The following ABCC12 variants were observed in gnomAD, a reference collection of about 807,000 sequenced individuals.
ABCC12 encodes the protein ATP-binding cassette sub-family C member 12.
ABCC12 carries 142 observed loss-of-function variants against 151.1 expected under a neutral mutation model. The observed-to-expected ratio is 0.94, with a 90% CI of 0.82 to 1.08. ABCC12 has a LOEUF of 1.08. ABCC12 is among the 50% of genes least tolerant of loss of function. The pLI is 0.00. For missense variants in ABCC12, 1,638 were observed against 1,691.1 expected (o/e 0.97, Z 0.55); for synonymous variants, 645 against 646.4 (o/e 1.00, Z 0.03).
At chr16:48,095,696 A>C (rs1406322200) in intron 24 of ABCC12, among the ~76,000 whole-genome samples, 1 of 151,986 alleles carries the variant, frequency 6.6e-6, no homozygotes, top group Non-Finnish European at 1.5e-5. Context: ...AACTGACATG[A>C]ATACAGTAAG....
intron 6 of ABCC12, among the ~76,000 whole-genome samples, chr16:48,140,384 C>T (rs962326083): frequency 6.6e-6 from 1 of 152,128 alleles, no homozygotes; most frequent in Admixed American, 6.5e-5. Context: ...CTATAGTGTG[C>T]TCAGTACTCC....
At chr16:48,127,515 C>T (rs1406789941) in intron 11 of ABCC12, among the ~76,000 whole-genome samples, 4 of 152,040 alleles carry the variant, frequency 2.6e-5, no homozygotes, top group South Asian at 2.1e-4. Flanking sequence ...GAGTTTTTGC[C>T]GGTGGTTAAG....
At chr16:48,090,087 CACCTAAATGTGATTGCTAGA>C (rs1441244688) in intron 25 of ABCC12, among the ~76,000 whole-genome samples, 1 of 152,138 alleles carries the variant, frequency 6.6e-6, no homozygotes, top group Non-Finnish European at 1.5e-5. Flanking sequence ...TCTTCAAAGG[CACCTAAATGTGATTGCTAGA>C]ATTGGCTAGA....
intron 13 of ABCC12, among the ~76,000 whole-genome samples, chr16:48,118,348 G>A (rs1478252150): frequency 6.6e-6 from 1 of 152,132 alleles, no homozygotes; most frequent in Non-Finnish European, 1.5e-5. Flanking sequence ...ACCTTCCCCA[G>A]GCATCACAGA....
rs771802634 is a variant in ABCC12, at chr16:48,128,677, C to T, written c.1297G>A (p.Val433Ile). Residue 433 changes from valine (V) to isoleucine (I), a missense_variant, in exon 11 of 31, where the codon GTC becomes ATC. Transcript: ENST00000311303. ...YITQPEDPDTVLLLANATLTW... is the reference protein window; with the variant it reads ...YITQPEDPDTILLLANATLTW... ...AAGGTGGCATTTGCTAAAAGCAAGACAGTATCTGGGTCTTCTGGTTGGGTG... is the reference window on the plus strand; with the variant it reads ...AAGGTGGCATTTGCTAAAAGCAAGATAGTATCTGGGTCTTCTGGTTGGGTG... 2 of 1,614,174 alleles carry T rather than the reference C, an allele frequency of 1.2e-6. No individual in the cohort carries two copies. The highest frequency in any genetic ancestry group is 1.7e-5 in the Admixed American group (1 of 60,026).
intron 3 of ABCC12, among the ~76,000 whole-genome samples, chr16:48,144,539 G>A (rs1483375219): frequency 6.6e-6 from 1 of 151,896 alleles, no homozygotes; most frequent in East Asian, 1.9e-4. Flanking sequence ...CACTAAGGTA[G>A]TATAGAAGTC....
chr16:48,105,199 G>C lies in ABCC12; in HGVS notation c.2613C>G (p.Phe871Leu). 1.9e-6 allele frequency: 3 copies of C among 1,614,192 alleles called. No individual in the cohort carries two copies. Among genetic ancestry groups the C allele is most frequent in the Non-Finnish European group, 2.5e-6 (3 of 1,180,042 alleles). Residue 871 changes from phenylalanine to leucine, a missense_variant, in exon 21 of 31, where the codon TTC becomes TTG. Coordinates refer to ENST00000311303, the MANE Select transcript of ABCC12 (RefSeq NM_001393797.1). The stretch of plus-strand genomic sequence containing the variant: ...CCATCAGTGTGGTCTTGGTGAAGAC[G>C]AAGCCTTTGGTGACGCCAAACACCA... ...FMLVFGVTKG[F>L]VFTKTTLMAS...
At chr16:48,137,987 G>A (rs1172370252) in intron 8 of ABCC12, among the ~76,000 whole-genome samples, 2 of 152,154 alleles carry the variant, frequency 1.3e-5, no homozygotes, top group Admixed American at 1.3e-4. Flanking sequence ...GCCAGGACCA[G>A]GATCCACATG....
At chr16:48,148,393 T>C (rs183471883) in intron 2 of ABCC12, among the ~76,000 whole-genome samples, 3 of 152,066 alleles carry the variant, frequency 2.0e-5, no homozygotes, top group East Asian at 3.9e-4. Flanking sequence ...TGCACCACCA[T>C]GTCCAGCTAA....
At chr16:48,120,815 A>G (rs147201921) in intron 13 of ABCC12, among the ~76,000 whole-genome samples, 42 of 152,222 alleles carry the variant, frequency 2.8e-4, no homozygotes, top group Admixed American at 5.2e-4. Context: ...CGGACTCCCA[A>G]AGTTCTGGGA....
At chr16:48,096,247 T>G (rs1290133183) in intron 24 of ABCC12, among the ~76,000 whole-genome samples, 1 of 152,256 alleles carries the variant, frequency 6.6e-6, no homozygotes, top group Non-Finnish European at 1.5e-5. Context: ...CCCTCCACTG[T>G]GGAGTAGCTA....
intron 3 of ABCC12, among the ~76,000 whole-genome samples, chr16:48,144,786 A>G (rs1453096468): frequency 6.6e-6 from 1 of 152,178 alleles, no homozygotes; most frequent in Non-Finnish European, 1.5e-5. Flanking sequence ...AGCTAAAATC[A>G]TGTGAATAAG....
intron 2 of ABCC12, among the ~76,000 whole-genome samples, chr16:48,148,990 T>C (rs942613266): frequency 6.6e-6 from 1 of 151,976 alleles, no homozygotes; most frequent in Non-Finnish European, 1.5e-5. Context: ...ACGTATTTGT[T>C]GAATGAATGA....
At position 48,133,965 on chromosome 16, in the gene ABCC12, G is replaced by A. The variant is rs1597320985; in HGVS notation, c.980-130C>T. On this transcript the variant is annotated intron_variant, in intron 8 of 30. Coordinates refer to ENST00000311303, the MANE Select transcript of ABCC12 (RefSeq NM_001393797.1). ...GAGTCCTGTTGTGAAGTTTAAATGA[G>A]AGGAACCACAGAAAGCCCCGGGCAC... 1.7e-5 allele frequency: 19 copies of A among 1,129,194 alleles called. 1 individual carries two copies. The South Asian group carries it at 3.0e-4, about 18-fold the overall frequency. The allele number at this position is 1,129,194 out of a possible 1,614,324, so 69.9% of individuals were successfully genotyped here.
chr16:48,139,749 G>A (rs1173055518), intron 6 of ABCC12, among the ~76,000 whole-genome samples: 1 of 152,138 alleles, frequency 6.6e-6, no homozygotes, highest in Admixed American at 6.5e-5. Flanking sequence ...CATGTTGAGG[G>A]CAATGTGATG....
At position 48,084,013 on chromosome 16, in the gene ABCC12, T is replaced by C. The variant is rs757480312; in HGVS notation, c.3889A>G (p.Asn1297Asp). Residue 1297 changes from asparagine to aspartate, a missense_variant, in exon 30 of 31, where the codon AAC becomes GAC. Transcript: ENST00000311303. The stretch of plus-strand genomic sequence containing the variant: ...CCCTTGAAGGCATCTTTGATGGTGT[T>C]CTGAACCAGGGTGTCAGTCTTGGAG... ...MDSKTDTLVQ[N>D]TIKDAFKGCT... 2.5e-6 allele frequency: 4 copies of C among 1,613,052 alleles called. No homozygotes were observed. In the South Asian group the frequency reaches 3.3e-5, roughly 13 times the overall value.
chr16:48,118,622 T>C (rs1035997219), intron 13 of ABCC12, among the ~76,000 whole-genome samples: 1 of 152,144 alleles, frequency 6.6e-6, no homozygotes, highest in Non-Finnish European at 1.5e-5. Flanking sequence ...AACTCAGACA[T>C]CAAAAGACAG....
At chr16:48,133,932 G>A (rs1162254188) in intron 8 of ABCC12, 97 bp from the exon 9 acceptor site, 15 of 1,410,964 alleles carry the variant, frequency 1.1e-5, no homozygotes, top group Non-Finnish European at 9.7e-6. Flanking sequence ...TTCCAGATGG[G>A]CGCTCATGAG....
intron 24 of ABCC12, among the ~76,000 whole-genome samples, chr16:48,095,234 G>A (rs756362933): frequency 6.6e-6 from 1 of 152,188 alleles, no homozygotes; most frequent in Non-Finnish European, 1.5e-5. Context: ...CACGAGAGCT[G>A]ATGATTTTAT....
Sources: allele counts gnomAD v4.1 joint callset (sites outside exome capture counted in the v4.1 genomes callset), GRCh38; gene constraint gnomAD v4.1.1; transcripts MANE v1.5; gene names NCBI Gene and HGNC (gene_info 2026-07-23, HGNC 2026-07-21).